The following ALPL variants were observed in gnomAD, a reference collection of about 807,000 sequenced individuals.
ALPL encodes the protein alkaline phosphatase, tissue-nonspecific isozyme.
ALPL carries 42 observed loss-of-function variants against 51.3 expected under a neutral mutation model. The observed-to-expected ratio is 0.82, with a 90% confidence interval of 0.64 to 1.06. ALPL has a LOEUF of 1.06. Among genes scored for constraint, ALPL ranks in the 50% least tolerant of loss-of-function variants. The pLI is 0.00. For missense variants in ALPL, 589 were observed against 709.4 expected, an observed-to-expected ratio of 0.83 and a Z score of 1.93; for synonymous variants, 279 against 296.4, an observed-to-expected ratio of 0.94 and a Z score of 0.60.
rs1160801521 is a variant in ALPL at position 21,551,961 on chromosome 1, G to A, written c.-104-2017G>A. Among the ~76,000 whole-genome samples, 5 of 150,498 alleles carry A rather than the reference G, an allele frequency of 3.3e-5. No individual in the cohort carries two copies. In the South Asian group the frequency reaches 1.0e-3, roughly 31 times the overall value. On this transcript the variant is annotated intron_variant, in intron 1 of 11. Transcript: ENST00000374840. ...AGGATGGTCTCGATCTCCTGACTTC[G>A]TGATCCGCCCGCCTCGGCCTCCCAA...
chr1:21,541,260 G>T (rs992522186), intron 1 of ALPL, among the ~76,000 whole-genome samples: 3 of 152,186 alleles, frequency 2.0e-5, no homozygotes, highest in African/African-American at 7.2e-5. Flanking sequence ...CATTCACTCA[G>T]CACCTACCAC....
At chr1:21,546,548 C>A (rs922909016) in intron 1 of ALPL, among the ~76,000 whole-genome samples, 4 of 152,186 alleles carry the variant, frequency 2.6e-5, no homozygotes, top group African/African-American at 9.6e-5. Context: ...GTTGGGGAGA[C>A]AATTTTGGAA....
chr1:21,559,650 G>A (rs1644457795), intron 2 of ALPL, among the ~76,000 whole-genome samples: 1 of 152,202 alleles, frequency 6.6e-6, no homozygotes, highest in African/African-American at 2.4e-5. Flanking sequence ...CTCCTGAGTA[G>A]CTGGGACTAC....
intron 2 of ALPL, 88 bp downstream of exon 2, chr1:21,554,230 C>A: frequency 7.4e-7 from 1 of 1,344,328 alleles, no homozygotes; most frequent in Non-Finnish European, 1.1e-6. Flanking sequence ...GGTCCCAGAA[C>A]CATCCAAAGT....
At chr1:21,515,864 G>T (rs1461627405) in intron 1 of ALPL, among the ~76,000 whole-genome samples, 6 of 42,212 alleles carry the variant, frequency 1.4e-4, no homozygotes. Context: ...TGTTTTGTTT[G>T]TTTGTTTTGT....
intron 1 of ALPL, among the ~76,000 whole-genome samples, chr1:21,525,265 T>C (rs948342170): frequency 6.6e-6 from 1 of 152,166 alleles, no homozygotes; most frequent in African/African-American, 2.4e-5. Flanking sequence ...AGGCCCCCAG[T>C]TGGGGCACTG....
At position 21,577,464 on chromosome 1, in the gene ALPL, A is replaced by G. The variant is rs1470865128; in HGVS notation, c.1391A>G (p.Lys464Arg). ...HGGEDVAVFS[K>R]GPMAHLLHGV... ...GGGGAGGACGTGGCCGTCTTCTCCA[A>G]GGGCCCCATGGCGCACCTGCTGCAC... The change falls in exon 12 of 12, where the codon AAG becomes AGG. Residue 464 changes from lysine to arginine, a missense_variant. Physicochemically the swap from Lys to Arg is conservative, Grantham distance 26 (BLOSUM62 2). Coordinates refer to ENST00000374840, the MANE Select transcript of ALPL (RefSeq NM_000478.6). 2.5e-6 allele frequency: 4 copies of G among 1,611,202 alleles called. No homozygotes were observed. Among genetic ancestry groups the G allele is most frequent in the South Asian group, 1.1e-5 (1 of 91,086 alleles).
intron 1 of ALPL, among the ~76,000 whole-genome samples, chr1:21,516,107 T>C (rs1643795092): frequency 6.6e-6 from 1 of 152,192 alleles, no homozygotes; most frequent in Non-Finnish European, 1.5e-5. Flanking sequence ...TTCGAACTCC[T>C]GGGCTCAAGT....
intron 5 of ALPL, among the ~76,000 whole-genome samples, chr1:21,563,767 C>T (rs952271037): frequency 2.7e-5 from 4 of 150,640 alleles, no homozygotes; most frequent in Admixed American, 6.6e-5. Flanking sequence ...GTCCTGTGGG[C>T]GCCTTGATGA....
intron 1 of ALPL, among the ~76,000 whole-genome samples, chr1:21,545,329 C>T (rs374513867): frequency 4.0e-5 from 6 of 151,862 alleles, no homozygotes; most frequent in African/African-American, 1.5e-4. Context: ...CTCACTCTGT[C>T]GCCCAGGCTG....
chr1:21,546,006 G>T, intron 1 of ALPL, among the ~76,000 whole-genome samples: 1 of 151,850 alleles, frequency 6.6e-6, no homozygotes, highest in East Asian at 1.9e-4. Flanking sequence ...AGTAGACACG[G>T]GGTTTCATCA....
chr1:21,554,855 TTCTTTCTTTCTTTCTTTCTC>T (rs1558544059), intron 2 of ALPL, among the ~76,000 whole-genome samples: 54 of 131,398 alleles, frequency 4.1e-4, no homozygotes, highest in Non-Finnish European at 7.3e-4. Flanking sequence ...CTTTCTTTCT[TTCTTTCTTTCTTTCTTTCTC>T]TCTTTCTTTC....
chr1:21,554,640 G>A (rs1207885113), intron 2 of ALPL, among the ~76,000 whole-genome samples: 4 of 151,102 alleles, frequency 2.6e-5, no homozygotes, highest in Non-Finnish European at 4.4e-5. Flanking sequence ...ACAGGTGCCC[G>A]CCACCGCGCC....
intron 5 of ALPL, 93 bp from the exon 6 acceptor site, chr1:21,563,948 C>T (rs1644524811): frequency 6.7e-7 from 1 of 1,502,614 alleles, no homozygotes; most frequent in African/African-American, 1.4e-5. Flanking sequence ...GAAGCGGGGG[C>T]CTGTCTTTAG....
chr1:21,559,224 C>T lies in ALPL; in HGVS notation c.62-1402C>T, dbSNP rs1307655449. On this transcript the variant is annotated intron_variant, in intron 2 of 11. Transcript: ENST00000374840. ...TTGAAAGAGGAAACCGCTAGGGAGC[C>T]TCCTCTCTAGGCTTCTGAGCAGATC... is the stretch of plus-strand genomic sequence containing the variant. Among the ~76,000 whole-genome samples, 3 of 152,316 alleles carry T rather than the reference C, an allele frequency of 2.0e-5. No individual in the cohort carries two copies. The East Asian group carries it at 5.8e-4, about 29-fold the overall frequency.
chr1:21,546,796 C>T (rs891346337), intron 1 of ALPL, among the ~76,000 whole-genome samples: 3 of 152,220 alleles, frequency 2.0e-5, no homozygotes, highest in African/African-American at 4.8e-5. Flanking sequence ...GGATACTAGT[C>T]CCTAGCCCAG....
In ALPL at chr1:21,561,860, T is replaced by G. The variant is rs961315894; in HGVS notation, c.297+648T>G. 6.6e-5 allele frequency among the ~76,000 whole-genome samples: 10 copies of G among 151,988 alleles called. 1 individual carries two copies. Among genetic ancestry groups the G allele is most frequent in the Admixed American group, 5.9e-4 (9 of 15,266 alleles). ...TTTTTTATTTTTAGTAGAGACAAGG[T>G]TTCACCCTGTTGGCCAGGCTGGTCT... On this transcript the variant is annotated intron_variant, in intron 4 of 11. Transcript: ENST00000374840.
At chr1:21,555,832 G>A (rs1054354131) in intron 2 of ALPL, among the ~76,000 whole-genome samples, 5 of 151,762 alleles carry the variant, frequency 3.3e-5, no homozygotes, top group Admixed American at 1.3e-4. Context: ...GTGCAGTGGC[G>A]CAATCTTGGC....
rs1644726647 is a variant in ALPL at position 21,575,999 on chromosome 1, G to C, written c.1189+75G>C. ...CACCTGGGAGCAGGAGTGGGTGGGA[G>C]AGCCAGCAAGCCCAGAGCATGGTGG... On this transcript the variant is annotated intron_variant, in intron 10 of 11. Coordinates refer to ENST00000374840, the MANE Select transcript of ALPL (RefSeq NM_000478.6). 5 of 1,551,706 alleles carry C rather than the reference G, an allele frequency of 3.2e-6. No homozygotes were observed. The East Asian group carries it at 1.1e-4, about 35-fold the overall frequency.
Sources: gnomAD v4.1 joint callset for allele counts (sites outside exome capture counted in the v4.1 genomes callset) on GRCh38, gnomAD v4.1.1 for gene constraint, MANE v1.5 for transcripts, NCBI Gene and HGNC (gene_info 2026-07-23, HGNC 2026-07-21) for gene names.